Variants in TMEM67 observed in about 807,000 individuals in gnomAD.
The protein encoded by TMEM67 is transmembrane protein 67.
Under a neutral mutation model 136.6 loss-of-function variants are expected in TMEM67, and 124 were observed. The ratio of observed to expected loss-of-function variants is 0.91; its 90% confidence interval spans 0.78 to 1.05. TMEM67 has a LOEUF of 1.05. Among genes scored for constraint, TMEM67 ranks in the 50% least tolerant of loss-of-function variants. The probability of loss-of-function intolerance (pLI) is 0.00; values close to 1 mark genes in which losing one functional copy is unlikely to be tolerated. For missense variants in TMEM67, 1,107 were observed against 1,178.4 expected, an observed-to-expected ratio of 0.94 and a Z score of 0.89; for synonymous variants, 364 against 390.5, an observed-to-expected ratio of 0.93 and a Z score of 0.80.
chr8:93,813,596 A>T (rs141334525), intron 26 of TMEM67, among the ~76,000 whole-genome samples: 189 of 152,364 alleles, frequency 1.2e-3, no homozygotes, highest in African/African-American at 4.4e-3. Context: ...GTCAAAAATT[A>T]TCCAGACTTC....
At chr8:93,831,869 T>G in the TMEM67 span, among the ~76,000 whole-genome samples, 1 of 152,224 alleles carries the variant, frequency 6.6e-6, no homozygotes, top group Non-Finnish European at 1.5e-5. Context: ...TCACCTTTCC[T>G]TCATTTTCCA....
At chr8:93,787,572 G>T (rs1322106216) in intron 13 of TMEM67, among the ~76,000 whole-genome samples, 1 of 152,158 alleles carries the variant, frequency 6.6e-6, no homozygotes, top group Non-Finnish European at 1.5e-5. Context: ...CTTGGATTGA[G>T]CTTCTAATTT....
Position 93,792,962 on chromosome 8 carries a change from C to G in TMEM67, c.1576-236C>G, listed in dbSNP as rs557493887. ...TAATTTTTTGTATTTTTAGTAGAGA[C>G]GGGTTTCACCGTGTTAGCCAGGATG... is the stretch of plus-strand genomic sequence containing the variant. On this transcript the variant is annotated intron_variant, in intron 15 of 27. Transcript: ENST00000453321. Among the ~76,000 whole-genome samples, 734 of 151,620 alleles carry G rather than the reference C, an allele frequency of 4.8e-3. 8 individuals carry two copies. The highest frequency in any genetic ancestry group is 0.045 in the South Asian group (215 of 4,804).
intron 3 of TMEM67, among the ~76,000 whole-genome samples, chr8:93,761,365 C>G (rs1394438695): frequency 6.6e-6 from 1 of 152,142 alleles, no homozygotes; most frequent in Non-Finnish European, 1.5e-5. Context: ...AATAGTTATT[C>G]GTGTATTAAT....
intron 7 of TMEM67, among the ~76,000 whole-genome samples, chr8:93,773,940 G>A (rs1405047371): frequency 6.6e-6 from 1 of 151,982 alleles, no homozygotes; most frequent in African/African-American, 2.4e-5. Context: ...CAAGTGGAAA[G>A]TTTATTTTCT....
intron 23 of TMEM67, among the ~76,000 whole-genome samples, chr8:93,806,628 AG>A (rs1363605071): frequency 2.0e-5 from 3 of 152,146 alleles, no homozygotes; most frequent in Non-Finnish European, 4.4e-5. Flanking sequence ...TTAGTGATTA[AG>A]GGGCCATACC....
At chr8:93,825,067 G>A in the TMEM67 span, among the ~76,000 whole-genome samples, 68 of 152,288 alleles carry the variant, frequency 4.5e-4, no homozygotes, top group African/African-American at 1.5e-3. Flanking sequence ...CCTCAAGACC[G>A]TTGTCATAAG....
Position 93,786,111 on chromosome 8 carries a change from C to T in TMEM67, c.1289-112C>T, listed in dbSNP as rs191832820. ...GAAGACATTCACATGAGTTAGAGAA[C>T]GCCATTGTCAGGTGTTTCTTATACT... On this transcript the variant is annotated intron_variant, in intron 12 of 27. Coordinates refer to ENST00000453321, the MANE Select transcript of TMEM67 (RefSeq NM_153704.6). 5.4e-5 allele frequency: 53 copies of T among 983,368 alleles called. No individual in the cohort carries two copies. In the African/African-American group the frequency reaches 6.2e-4, roughly 11 times the overall value. 60.9% of individuals were successfully genotyped at this position (983,368 alleles called of 1,614,324 possible). A position where few individuals can be genotyped will look rare whatever the true frequency, so the allele number is the denominator to read the frequency against.
At chr8:93,763,056 G>T in intron 3 of TMEM67, 1 of 265,094 alleles carries the variant, frequency 3.8e-6, no homozygotes, top group South Asian at 3.0e-5. Context: ...TTGAGTAGCT[G>T]GGATTACAGG....
the TMEM67 span, among the ~76,000 whole-genome samples, chr8:93,827,764 C>CT: frequency 7.9e-3 from 1,120 of 141,834 alleles, 13 homozygotes; most frequent in African/African-American, 0.025. Flanking sequence ...GGCTTCCCTT[C>CT]TTTTTTTTTT....
At chr8:93,824,969 G>C in the TMEM67 span, among the ~76,000 whole-genome samples, 1 of 152,088 alleles carries the variant, frequency 6.6e-6, no homozygotes, top group Non-Finnish European at 1.5e-5. Flanking sequence ...CACCCACTTT[G>C]GCCTCCCACA....
rs1161549084 is a variant in TMEM67, at chr8:93,812,280, T to C, written c.2764+2393T>C. 5.3e-5 allele frequency among the ~76,000 whole-genome samples: 8 copies of C among 152,094 alleles called. No individual in the cohort carries two copies. In the East Asian group the frequency reaches 1.4e-3, roughly 26 times the overall value. On this transcript the variant is annotated intron_variant, in intron 26 of 27. Coordinates refer to ENST00000453321, the MANE Select transcript of TMEM67 (RefSeq NM_153704.6). ...CTCTGTCAGTAGGTTACAAGTTGAG[T>C]TGAATAGATGGAAAATTGTAACAGC...
intron 15 of TMEM67, among the ~76,000 whole-genome samples, 166 bp from the exon 16 acceptor site, chr8:93,793,032 A>G (rs1258045935): frequency 6.6e-6 from 1 of 151,898 alleles, no homozygotes; most frequent in Admixed American, 6.6e-5. Context: ...CGGCCTCCCA[A>G]AGTGCTGGGA....
Position 93,804,869 on chromosome 8 carries a change from A to G in TMEM67, c.2430A>G (p.Lys810=). The G allele has an allele frequency of 6.5e-7, 1 of 1,548,002 alleles. No homozygotes were observed. The highest frequency in any genetic ancestry group is 8.9e-7 in the Non-Finnish European group (1 of 1,119,978). ...TNMEEMNMNL[K]REAENLCSQR... ...TGGAAGAAATGAATATGAACCTTAA[A>G]AGAGAAGCGGTATGAAAATGTTTTA... The change falls in exon 23 of 28, where the codon AAA becomes AAG. Residue 810 remains lysine (K), a synonymous_variant. Coordinates refer to ENST00000453321, the MANE Select transcript of TMEM67 (RefSeq NM_153704.6).
At position 93,782,422 on chromosome 8, in the gene TMEM67, A is replaced by G. The variant is rs931138679; in HGVS notation, c.1093A>G (p.Asn365Asp). The G allele has an allele frequency of 1.2e-6, 2 of 1,613,088 alleles. No homozygotes were observed. The highest frequency in any genetic ancestry group is 1.7e-6 in the Non-Finnish European group (2 of 1,179,702). ...QLCPDTETRL[N>D]AAYSFGTTYQ... ...TTGTCCAGACACAGAGACAAGGCTA[A>G]ATGCTGCTTATTCATTTGGAACAAC... Residue 365 changes from asparagine (N) to aspartate (D), a missense_variant, in exon 11 of 28, where the codon AAT (asparagine) becomes GAT (aspartate). Transcript: ENST00000453321.
chr8:93,798,282 CTA>C lies in TMEM67; in HGVS notation c.2100+814_2100+815del, dbSNP rs145075819. On this transcript the variant is annotated intron_variant, in intron 20 of 27. Transcript: ENST00000453321. ...CTATGCTCAGGCTCACCCTTAGAGACTATGTGTTGATTTAGTAGCTTTGAGGT... is the reference window on the plus strand; with the variant it reads ...CTATGCTCAGGCTCACCCTTAGAGACTGTGTTGATTTAGTAGCTTTGAGGT... Among the ~76,000 whole-genome samples, 659 of 152,242 alleles carry C rather than the reference CTA, an allele frequency of 4.3e-3. 11 individuals carry two copies. The highest frequency in any genetic ancestry group is 0.015 in the African/African-American group (619 of 41,536).
At chr8:93,800,421 G>A (rs555109800) in intron 21 of TMEM67, among the ~76,000 whole-genome samples, 54 of 152,266 alleles carry the variant, frequency 3.5e-4, no homozygotes, top group African/African-American at 1.3e-3. Context: ...CCAACTTTCT[G>A]TATAGATGGG....
At chr8:93,761,590 G>A (rs1448049106) in intron 3 of TMEM67, among the ~76,000 whole-genome samples, 1 of 152,128 alleles carries the variant, frequency 6.6e-6, no homozygotes, top group Non-Finnish European at 1.5e-5. Flanking sequence ...ATTCTATCAA[G>A]ATGAGATCAA....
At chr8:93,780,474 C>G in intron 7 of TMEM67, 119 bp from the exon 8 acceptor site, 6 of 1,026,484 alleles carry the variant, frequency 5.8e-6, no homozygotes, top group Non-Finnish European at 9.1e-6. Context: ...AGCTGCAGAC[C>G]GGAGCTGTTC....
Sources: gnomAD v4.1 joint callset for allele counts (sites outside exome capture counted in the v4.1 genomes callset) on GRCh38, gnomAD v4.1.1 for gene constraint, MANE v1.5 for transcripts, NCBI Gene and HGNC (gene_info 2026-07-23, HGNC 2026-07-21) for gene names.